Variants in DSCAM observed in about 807,000 individuals in gnomAD.
DSCAM encodes the protein cell adhesion molecule DSCAM.
Under a neutral mutation model 217.7 loss-of-function variants are expected in DSCAM, and 47 were observed. The ratio of observed to expected loss-of-function variants is 0.22; its 90% CI spans 0.17 to 0.28. DSCAM has a LOEUF of 0.28. Among genes scored for constraint, DSCAM ranks in the 10% least tolerant of loss-of-function variants. The pLI, the probability that DSCAM is intolerant of heterozygous loss-of-function variation, is 1.00. For missense variants in DSCAM, 2,080 were observed against 2,618.3 expected (o/e 0.79, Z 4.49); for synonymous variants, 1,056 against 1,015.3 (o/e 1.04, Z -0.76).
intron 3 of DSCAM, among the ~76,000 whole-genome samples, chr21:40,464,354 G>T (rs1313849444): frequency 6.6e-6 from 1 of 152,214 alleles, no homozygotes; most frequent in Non-Finnish European, 1.5e-5. Context: ...TAGGTAGCAT[G>T]TTAGAAAGTG....
In DSCAM at chr21:40,759,469, G is replaced by A. The variant is rs537489684; in HGVS notation, c.44-50698C>T. On this transcript the variant is annotated intron_variant, in intron 1 of 32. Transcript: ENST00000400454. ...ATGATCTTTAAAGTGCACGTGACTC[G>A]CTTGTGCCCTTCTGATCATGGATAA... Among the ~76,000 whole-genome samples the A allele has an allele frequency of 7.9e-5, 12 of 152,294 alleles. No homozygotes were observed. The East Asian group carries it at 1.7e-3, about 22-fold the overall frequency.
At chr21:40,088,904 T>C (rs1016137553) in intron 21 of DSCAM, among the ~76,000 whole-genome samples, 10 of 152,224 alleles carry the variant, frequency 6.6e-5, no homozygotes, top group African/African-American at 2.4e-4. Context: ...GGATGTTGTG[T>C]ATGTGCAAAC....
intron 1 of DSCAM, among the ~76,000 whole-genome samples, chr21:40,794,091 GA>G: frequency 6.6e-6 from 1 of 152,200 alleles, no homozygotes; most frequent in Non-Finnish European, 1.5e-5. Flanking sequence ...TTTTTCTAGA[GA>G]TTATTAATTT....
intron 3 of DSCAM, among the ~76,000 whole-genome samples, chr21:40,620,302 G>T (rs1312071950): frequency 1.2e-5 from 1 of 86,104 alleles, no homozygotes; most frequent in East Asian, 3.1e-4. Flanking sequence ...AAAAGAAAAA[G>T]AAAGAGAGAG....
intron 3 of DSCAM, among the ~76,000 whole-genome samples, chr21:40,557,776 CA>C (rs993328041): frequency 2.0e-5 from 3 of 152,064 alleles, no homozygotes; most frequent in Non-Finnish European, 4.4e-5. Flanking sequence ...GTGAGCCAAG[CA>C]AACACCTCTT....
At chr21:40,503,813 T>G (rs1015062116) in intron 3 of DSCAM, among the ~76,000 whole-genome samples, 1 of 152,264 alleles carries the variant, frequency 6.6e-6, no homozygotes, top group African/African-American at 2.4e-5. Flanking sequence ...GTTTTAGTTT[T>G]GGCTGGATAG....
chr21:40,085,618 T>C lies in DSCAM; in HGVS notation c.4116A>G (p.Leu1372=), dbSNP rs1323193243. Residue 1372 remains leucine (L), a synonymous_variant, in exon 23 of 33, where the codon TTA becomes TTG. Coordinates refer to ENST00000400454, the MANE Select transcript of DSCAM (RefSeq NM_001389.5). ...ATGTTGTACCTTGTACTTGTAAGTT[T>C]AAAATAATTTCATCAGATCCCCAGT... The part of the protein sequence containing the change: ...NNNWGSDEII[L]NLQVQVPPDQ... The C allele has an allele frequency of 1.9e-6, 3 of 1,569,926 alleles. No homozygotes were observed. The highest frequency in any genetic ancestry group is 1.7e-6 in the Non-Finnish European group (2 of 1,146,948).
At chr21:40,196,806 C>T (rs1275259559) in intron 11 of DSCAM, among the ~76,000 whole-genome samples, 1 of 152,054 alleles carries the variant, frequency 6.6e-6, no homozygotes, top group African/African-American at 2.4e-5. Flanking sequence ...CCATATACTG[C>T]ATAAGTATTT....
intron 11 of DSCAM, among the ~76,000 whole-genome samples, chr21:40,201,528 GCCTCC>G (rs2091069549): frequency 6.6e-6 from 1 of 152,040 alleles, no homozygotes; most frequent in Non-Finnish European, 1.5e-5. Flanking sequence ...TGCAACCTCT[GCCTCC>G]CTGGTTCAAG....
At chr21:40,268,063 T>G (rs766928826) in intron 11 of DSCAM, among the ~76,000 whole-genome samples, 2 of 152,212 alleles carry the variant, frequency 1.3e-5, no homozygotes, top group Non-Finnish European at 2.9e-5. Flanking sequence ...ATTTCTCCCT[T>G]CAGCCTTTGC....
At chr21:40,247,386 G>A (rs1012318930) in intron 11 of DSCAM, among the ~76,000 whole-genome samples, 31 of 152,142 alleles carry the variant, frequency 2.0e-4, no homozygotes, top group Non-Finnish European at 5.9e-5. Flanking sequence ...ATGAGCCTGT[G>A]CAATCAAAGC....
chr21:40,824,116 T>C (rs1025981889), intron 1 of DSCAM, among the ~76,000 whole-genome samples: 9 of 152,128 alleles, frequency 5.9e-5, no homozygotes, highest in South Asian at 2.1e-4. Flanking sequence ...ATCATCCCCA[T>C]TGGGCTCCCT....
At chr21:40,051,181 G>A (rs1264937182) in intron 30 of DSCAM, among the ~76,000 whole-genome samples, 1 of 152,146 alleles carries the variant, frequency 6.6e-6, no homozygotes, top group East Asian at 1.9e-4. Context: ...TTGAAAGCTA[G>A]ACGTCAAAGT....
intron 20 of DSCAM, among the ~76,000 whole-genome samples, chr21:40,108,969 C>T (rs1024696039): frequency 6.6e-6 from 1 of 152,164 alleles, no homozygotes; most frequent in African/African-American, 2.4e-5. Flanking sequence ...GAAGCTGGCT[C>T]CCTTCCTTAC....
intron 18 of DSCAM, among the ~76,000 whole-genome samples, chr21:40,137,942 C>A (rs1334429819): frequency 1.3e-5 from 2 of 151,908 alleles, no homozygotes; most frequent in Non-Finnish European, 2.9e-5. Context: ...TGGAAGTTAG[C>A]AAAAATTCAG....
At chr21:40,652,358 A>G (rs1601823584) in intron 3 of DSCAM, among the ~76,000 whole-genome samples, 2 of 137,766 alleles carry the variant, frequency 1.5e-5, no homozygotes, top group South Asian at 2.3e-4. Flanking sequence ...AAAAAAAAAA[A>G]AAAACAACTT....
intron 3 of DSCAM, among the ~76,000 whole-genome samples, chr21:40,687,411 C>G (rs2090491272): frequency 6.6e-6 from 1 of 152,122 alleles, no homozygotes; most frequent in Non-Finnish European, 1.5e-5. Context: ...TAGCAGATGT[C>G]TGGAAAATGC....
chr21:40,100,925 T>G (rs1291674308), intron 20 of DSCAM, among the ~76,000 whole-genome samples: 2 of 152,198 alleles, frequency 1.3e-5, no homozygotes, highest in Non-Finnish European at 2.9e-5. Flanking sequence ...GTGAATTAAT[T>G]TTGAGTGGAC....
chr21:40,374,971 T>C (rs148219429), intron 3 of DSCAM, among the ~76,000 whole-genome samples: 3,021 of 152,300 alleles, frequency 0.02, 46 homozygotes, highest in Non-Finnish European at 0.029. Context: ...TCAGAAGTCT[T>C]TTCCACAGTA....
Sources: gnomAD v4.1 joint callset for allele counts (sites outside exome capture counted in the v4.1 genomes callset) on GRCh38, gnomAD v4.1.1 for gene constraint, MANE v1.5 for transcripts, NCBI Gene and HGNC (gene_info 2026-07-23, HGNC 2026-07-21) for gene names.